The following ANXA4 variants were observed in gnomAD, a reference collection of about 807,000 sequenced individuals.
ANXA4 encodes annexin A4.
In ANXA4, 39 loss-of-function variants were observed where a neutral mutation model predicts 49.8. The observed-to-expected ratio is 0.78, with a 90% CI of 0.61 to 1.02. The LOEUF (loss-of-function observed/expected upper bound fraction) is 1.02. ANXA4 is among the 50% of genes least tolerant of loss of function. The probability of loss-of-function intolerance (pLI) is 0.00; values close to 1 mark genes in which losing one functional copy is unlikely to be tolerated. For missense variants in ANXA4, 360 were observed against 410.1 expected (o/e 0.88, Z 1.05); for synonymous variants, 134 against 152.5 (o/e 0.88, Z 0.89).
At chr2:69,763,575 A>G (rs1671380319) in intron 1 of ANXA4, among the ~76,000 whole-genome samples, 1 of 151,830 alleles carries the variant, frequency 6.6e-6, no homozygotes, top group African/African-American at 2.4e-5. Flanking sequence ...TCCCTCCTGT[A>G]CTTTAATTTA....
intron 3 of ANXA4, among the ~76,000 whole-genome samples, chr2:69,721,161 C>G (rs1669802225): frequency 6.6e-6 from 1 of 152,252 alleles, no homozygotes; most frequent in African/African-American, 2.4e-5. Context: ...CGAGCTGCCA[C>G]AGCCCGGCCA....
upstream of ANXA4, among the ~76,000 whole-genome samples, chr2:69,741,507 GC>G (rs1339343936): frequency 2.0e-5 from 3 of 152,232 alleles, no homozygotes; most frequent in African/African-American, 7.2e-5. Flanking sequence ...AGCTTTCCTG[GC>G]CTGCTGGGCG....
At chr2:69,671,955 AT>A (rs1677208266) in intron 2 of ANXA4, among the ~76,000 whole-genome samples, 1 of 152,240 alleles carries the variant, frequency 6.6e-6, no homozygotes, top group Admixed American at 6.5e-5. Context: ...TTGATATTTT[AT>A]TAAAAGTGCA....
At chr2:69,738,656 G>A (rs115265767), upstream of ANXA4, among the ~76,000 whole-genome samples, 1,377 of 152,266 alleles carry the variant, frequency 9.0e-3, 11 homozygotes, top group Non-Finnish European at 0.015. Flanking sequence ...TGTAACTTCT[G>A]CCTGGATGTC....
At chr2:69,661,481 C>T (rs764004003) in intron 2 of ANXA4, among the ~76,000 whole-genome samples, 5 of 147,152 alleles carry the variant, frequency 3.4e-5, no homozygotes, top group Non-Finnish European at 5.9e-5. Context: ...CCAGATCTAC[C>T]GAAAAAAAAA....
At chr2:69,808,142 T>A (rs1673529629) in intron 6 of ANXA4, 146 bp downstream of exon 6, 1 of 728,192 alleles carries the variant, frequency 1.4e-6, no homozygotes. Context: ...TCGAGGGAGA[T>A]CCCTGTTTAG....
At chr2:69,769,835 G>A (rs1285917681) in intron 1 of ANXA4, among the ~76,000 whole-genome samples, 1 of 152,000 alleles carries the variant, frequency 6.6e-6, no homozygotes, top group Non-Finnish European at 1.5e-5. Context: ...GCTAATTTTT[G>A]TATTTTTAGT....
chr2:69,807,754 G>T, intron 5 of ANXA4, 152 bp from the exon 6 acceptor site: 1 of 632,560 alleles, frequency 1.6e-6, no homozygotes. Context: ...TTGGGTTTCG[G>T]GTGGGACAAT....
intron 2 of ANXA4, among the ~76,000 whole-genome samples, chr2:69,657,827 G>A (rs544172128): frequency 1.1e-3 from 163 of 152,174 alleles, no homozygotes; most frequent in Non-Finnish European, 2.0e-3. Flanking sequence ...TATTGGAAAT[G>A]CATTTATTCA....
chr2:69,708,144 C>T (rs142126316), intron 2 of ANXA4, among the ~76,000 whole-genome samples: 2 of 152,322 alleles, frequency 1.3e-5, no homozygotes, highest in East Asian at 1.9e-4. Flanking sequence ...TAAATAAATA[C>T]TTAAACACAG....
intron 1 of ANXA4, among the ~76,000 whole-genome samples, chr2:69,762,947 C>G (rs961048999): frequency 6.6e-6 from 1 of 152,198 alleles, no homozygotes; most frequent in African/African-American, 2.4e-5. Context: ...TTCACTTCCT[C>G]TCAGCTTCTA....
chr2:69,698,838 G>A (rs745810601), intron 2 of ANXA4, among the ~76,000 whole-genome samples: 4 of 152,110 alleles, frequency 2.6e-5, no homozygotes, highest in African/African-American at 4.8e-5. Context: ...TCTGCAAGAG[G>A]GTGGTGGTTT....
intron 6 of ANXA4, 72 bp downstream of exon 6, chr2:69,808,068 T>G: frequency 7.0e-7 from 1 of 1,433,126 alleles, no homozygotes; most frequent in East Asian, 2.3e-5. Context: ...AGCGGGTTGT[T>G]GTTTGCTGAT....
intron 1 of ANXA4, among the ~76,000 whole-genome samples, chr2:69,746,602 A>G (rs1045103962): frequency 1.3e-5 from 2 of 152,180 alleles, no homozygotes; most frequent in African/African-American, 4.8e-5. Flanking sequence ...AGCTTTTGCT[A>G]TGGGAACCTG....
At chr2:69,673,717 C>A (rs930840267) in intron 2 of ANXA4, among the ~76,000 whole-genome samples, 4 of 151,662 alleles carry the variant, frequency 2.6e-5, no homozygotes, top group Non-Finnish European at 5.9e-5. Flanking sequence ...CACACACACA[C>A]ACACACACAC....
chr2:69,816,906 T>C (rs1334174702), intron 9 of ANXA4: 1 of 152,194 alleles, frequency 6.6e-6, no homozygotes, highest in Admixed American at 6.5e-5. Context: ...TTGCAAAGCT[T>C]GTGGGAAATT....
chr2:69,739,719 C>CA (rs1670337408), upstream of ANXA4, among the ~76,000 whole-genome samples: 1 of 152,080 alleles, frequency 6.6e-6, no homozygotes, highest in Non-Finnish European at 1.5e-5. Flanking sequence ...CCACAGCACC[C>CA]AGCCCTATCT....
intron 2 of ANXA4, among the ~76,000 whole-genome samples, chr2:69,689,362 A>G (rs1677889206): frequency 6.6e-6 from 1 of 152,292 alleles, no homozygotes; most frequent in South Asian, 2.1e-4. Flanking sequence ...TGCTGGGATT[A>G]CAGACATGAG....
In ANXA4 at chr2:69,807,011, T is replaced by A. The variant is rs540741588; in HGVS notation, c.306+513T>A. Among the ~76,000 whole-genome samples, 620 of 152,254 alleles carry A rather than the reference T, an allele frequency of 4.1e-3. 3 individuals carry two copies. The highest frequency in any genetic ancestry group is 0.017 in the Middle Eastern group (5 of 294). ...ACTTAAAGTAAAAGTTAAATTTTTT[T>A]AAAAAAGAAAGAAACTATGACCAAG... On this transcript the variant is annotated intron_variant, in intron 5 of 12. Transcript: ENST00000394295.
Sources: gnomAD v4.1 joint callset for allele counts (sites outside exome capture counted in the v4.1 genomes callset) on GRCh38, gnomAD v4.1.1 for gene constraint, MANE v1.5 for transcripts, NCBI Gene and HGNC (gene_info 2026-07-23, HGNC 2026-07-21) for gene names.